The following VPS13A variants were observed in gnomAD, a reference collection of about 807,000 sequenced individuals.
VPS13A encodes the protein intermembrane lipid transfer protein VPS13A.
In VPS13A, 264 loss-of-function variants were observed where a neutral mutation model predicts 390.9. The ratio of observed to expected loss-of-function variants is 0.68; its 90% CI spans 0.61 to 0.75. The LOEUF (loss-of-function observed/expected upper bound fraction) is 0.75, where lower values mean the gene tolerates loss of function less well. VPS13A is among the 30% of genes least tolerant of loss of function. The pLI is 0.00. For synonymous variants in VPS13A, 1,231 were observed against 1,227.1 expected, an observed-to-expected ratio of 1.00 and a Z score of -0.07; for missense variants, 3,409 against 3,733.9, an observed-to-expected ratio of 0.91 and a Z score of 2.27.
chr9:77,414,321 A>C (rs1180932060), intron 71 of VPS13A, among the ~76,000 whole-genome samples: 5 of 152,216 alleles, frequency 3.3e-5, no homozygotes, highest in Non-Finnish European at 5.9e-5. Flanking sequence ...TCACAATAGC[A>C]AAGACTTGGA....
chr9:77,362,950 T>A (rs754862665), intron 59 of VPS13A, among the ~76,000 whole-genome samples: 4 of 152,192 alleles, frequency 2.6e-5, no homozygotes, highest in Non-Finnish European at 5.9e-5. Context: ...TTGATTTTTT[T>A]ATACTGATCT....
At chr9:77,282,981 C>G (rs1827127218) in intron 29 of VPS13A, among the ~76,000 whole-genome samples, 1 of 151,484 alleles carries the variant, frequency 6.6e-6, no homozygotes, top group Admixed American at 6.6e-5. Context: ...AAAAGAGTAT[C>G]AGAGCATATT....
chr9:77,293,197 G>T, intron 31 of VPS13A, 144 bp from the exon 32 acceptor site: 1 of 680,382 alleles, frequency 1.5e-6, no homozygotes, highest in Non-Finnish European at 2.4e-6. Flanking sequence ...AGTTACAGTA[G>T]AATTGTTGCC....
intron 67 of VPS13A, among the ~76,000 whole-genome samples, chr9:77,377,668 G>A (rs951330753): frequency 6.6e-6 from 1 of 152,110 alleles, no homozygotes; most frequent in Non-Finnish European, 1.5e-5. Context: ...TATATCATCT[G>A]AGAACTGAGG....
chr9:77,227,726 G>A (rs1823600606), intron 16 of VPS13A, among the ~76,000 whole-genome samples: 1 of 150,946 alleles, frequency 6.6e-6, no homozygotes, highest in African/African-American at 2.4e-5. Flanking sequence ...ATAGAGATGG[G>A]GTTTCGCCAT....
intron 67 of VPS13A, among the ~76,000 whole-genome samples, chr9:77,377,441 G>A (rs909581384): frequency 5.3e-5 from 8 of 151,994 alleles, no homozygotes; most frequent in Admixed American, 3.3e-4. Context: ...GGATGGTCCC[G>A]ATCTCCTGAC....
intron 23 of VPS13A, among the ~76,000 whole-genome samples, chr9:77,262,435 T>A (rs988666430): frequency 1.3e-5 from 2 of 151,410 alleles, no homozygotes; most frequent in African/African-American, 2.4e-5. Flanking sequence ...GTAAAGAAGG[T>A]TTTTTTTTAT....
In VPS13A at chr9:77,339,489, G is replaced by GTTT. The variant is rs765264048; in HGVS notation, c.6379-25_6379-23dup. The GTTT allele has an allele frequency of 4.3e-4, 479 of 1,120,944 alleles. 6 individuals carry two copies. The highest frequency in any genetic ancestry group is 1.1e-3 in the Admixed American group (37 of 34,202). The allele number at this position is 1,120,944 out of a possible 1,614,324, so 69.4% of individuals were successfully genotyped here. ...ATTATTCTGCAACATTTTAAATTTT[G>GTTT]TTTTGTTTTTTTTTTTTTTATTACA... On this transcript the variant is annotated intron_variant, in intron 47 of 71. Coordinates refer to ENST00000360280, the MANE Select transcript of VPS13A (RefSeq NM_033305.3).
Position 77,407,604 on chromosome 9 carries a change from C to A in VPS13A, c.9471C>A (p.Ala3157=). ...KIINFKTPED[A]RWILTKLQEA... is the part of the protein sequence containing the mutation. ...TTAACTTCAAGACCCCAGAGGATGC[C>A]AGGGTAAATATAATAAATCTTTTAT... The change falls in exon 71 of 72, where the codon GCC becomes GCA. Residue 3157 remains alanine (A), a synonymous_variant. Coordinates refer to ENST00000360280, the MANE Select transcript of VPS13A (RefSeq NM_033305.3). 6.2e-7 allele frequency: 1 copy of A among 1,608,650 alleles called. No individual in the cohort carries two copies. Among genetic ancestry groups the A allele is most frequent in the Admixed American group, 1.7e-5 (1 of 59,992 alleles).
intron 10 of VPS13A, among the ~76,000 whole-genome samples, chr9:77,217,540 C>T (rs372934424): frequency 1.3e-5 from 2 of 152,178 alleles, no homozygotes; most frequent in African/African-American, 4.8e-5. Context: ...TTAGCTCCCA[C>T]TTACAAGTGA....
chr9:77,249,422 T>TA (rs1414580615), intron 20 of VPS13A, among the ~76,000 whole-genome samples: 1 of 152,238 alleles, frequency 6.6e-6, no homozygotes, highest in Non-Finnish European at 1.5e-5. Flanking sequence ...CTTAACCTGT[T>TA]ACCTAAAATT....
intron 1 of VPS13A, among the ~76,000 whole-genome samples, chr9:77,183,683 A>T (rs1391731651): frequency 6.6e-6 from 1 of 152,272 alleles, no homozygotes; most frequent in Non-Finnish European, 1.5e-5. Flanking sequence ...AATTTCTTAA[A>T]AAGTTAAACA....
chr9:77,317,717 A>T lies in VPS13A; in HGVS notation c.4956+19A>T, dbSNP rs1407796898. ...ACTAAAGGTAAATTAAAATATAATC[A>T]TTTGAATATTTAGTGCACTTAAAAA... On this transcript the variant is annotated intron_variant, in intron 40 of 71. Transcript: ENST00000360280. 6.5e-7 allele frequency: 1 copy of T among 1,544,840 alleles called. No individual in the cohort carries two copies. Among genetic ancestry groups the T allele is most frequent in the Non-Finnish European group, 8.8e-7 (1 of 1,135,144 alleles).
Position 77,221,286 on chromosome 9 carries a change from A to G in VPS13A, c.1091A>G (p.Gln364Arg), listed in dbSNP as rs534718602. ...HIRKHRQKVKQYKELYKKKLT... is the reference protein window; with the variant it reads ...HIRKHRQKVKRYKELYKKKLT... ...AGAAAACATAGGCAAAAAGTGAAGCAATATAAAGAACTGTATAAAAAAAAG... is the reference window on the plus strand; with the variant it reads ...AGAAAACATAGGCAAAAAGTGAAGCGATATAAAGAACTGTATAAAAAAAAG... Residue 364 changes from glutamine to arginine, a missense_variant, in exon 13 of 72, where the codon CAA becomes CGA. Coordinates refer to ENST00000360280, the MANE Select transcript of VPS13A (RefSeq NM_033305.3). The G allele has an allele frequency of 6.2e-7, 1 of 1,613,600 alleles. No individual in the cohort carries two copies. Among genetic ancestry groups the G allele is most frequent in the African/African-American group, 1.3e-5 (1 of 75,020 alleles).
In VPS13A at chr9:77,400,889, ATACT is replaced by A. The variant is rs1834360033; in HGVS notation, c.9190-2344_9190-2341del. 2.6e-5 allele frequency among the ~76,000 whole-genome samples: 4 copies of A among 151,944 alleles called. 1 individual carries two copies. The South Asian group carries it at 6.2e-4, about 24-fold the overall frequency. On this transcript the variant is annotated intron_variant, in intron 68 of 71. Transcript: ENST00000360280. ...TATAGTACTTTTATAGTTATTTTCTATACTTAAATCATTGATCCATGTAGAATTG... is the reference window on the plus strand; with the variant it reads ...TATAGTACTTTTATAGTTATTTTCTATAAATCATTGATCCATGTAGAATTG...
chr9:77,327,653 A>ATTATTATCAT, intron 45 of VPS13A, among the ~76,000 whole-genome samples: 1 of 151,182 alleles, frequency 6.6e-6, no homozygotes, highest in Non-Finnish European at 1.5e-5. Flanking sequence ...TATTATTATT[A>ATTATTATCAT]TATATTAATC....
chr9:77,333,964 G>C (rs532536829), intron 46 of VPS13A, among the ~76,000 whole-genome samples: 1 of 152,300 alleles, frequency 6.6e-6, no homozygotes, highest in South Asian at 2.1e-4. Flanking sequence ...AATGTATAAA[G>C]TAGGAAACAG....
chr9:77,384,661 A>T, intron 68 of VPS13A: 1 of 1,605,706 alleles, frequency 6.2e-7, no homozygotes, highest in Non-Finnish European at 8.5e-7. Context: ...GATGATGATG[A>T]TGAGTCAGAT....
chr9:77,324,215 T>C (rs1227977848), intron 45 of VPS13A, among the ~76,000 whole-genome samples: 1 of 152,152 alleles, frequency 6.6e-6, no homozygotes, highest in Non-Finnish European at 1.5e-5. Context: ...TAGATAGTTA[T>C]GATAGCTGCA....
Sources: gnomAD v4.1 joint callset for allele counts (sites outside exome capture counted in the v4.1 genomes callset) on GRCh38, gnomAD v4.1.1 for gene constraint, MANE v1.5 for transcripts, NCBI Gene and HGNC (gene_info 2026-07-23, HGNC 2026-07-21) for gene names.